The following ERC2 variants were observed in gnomAD, a reference collection of about 807,000 sequenced individuals.
The protein encoded by ERC2 is ELKS/RAB6-interacting/CAST family member 2.
ERC2 carries 42 observed loss-of-function variants against 114.8 expected under a neutral mutation model. The ratio of observed to expected loss-of-function variants is 0.37; its 90% confidence interval spans 0.29 to 0.47. The LOEUF (loss-of-function observed/expected upper bound fraction) is 0.47. Among genes scored for constraint, ERC2 ranks in the 20% least tolerant of loss-of-function variants. ERC2 has a pLI of 0.99. For missense variants in ERC2, 939 were observed against 1,150.7 expected (o/e 0.82, Z 2.66); for synonymous variants, 454 against 425.5 (o/e 1.07, Z -0.82).
intron 13 of ERC2, among the ~76,000 whole-genome samples, chr3:55,944,749 G>C (rs2067020977): frequency 1.3e-5 from 2 of 152,188 alleles, no homozygotes; most frequent in African/African-American, 4.8e-5. Context: ...CCGCCTACAG[G>C]GGCCTGCTAT....
chr3:56,398,660 T>C (rs568522854), intron 2 of ERC2, among the ~76,000 whole-genome samples: 1 of 152,290 alleles, frequency 6.6e-6, no homozygotes, highest in Admixed American at 6.5e-5. Flanking sequence ...GCTCTCATTC[T>C]GTTGGCCAGG....
At chr3:56,259,552 G>A (rs1450321723) in intron 3 of ERC2, among the ~76,000 whole-genome samples, 1 of 152,018 alleles carries the variant, frequency 6.6e-6, no homozygotes, top group Non-Finnish European at 1.5e-5. Context: ...TATGGGGGAG[G>A]AAACGTGGGT....
At position 56,099,786 on chromosome 3, in the gene ERC2, C is replaced by A. The variant is rs573381490; in HGVS notation, c.1474-18802G>T. ...GATATGTGAAGGTTTCTTTTCCTAC[C>A]TCAGTCCTGCTCAAGAACTCAGAGG... On this transcript the variant is annotated intron_variant, in intron 6 of 17. Coordinates refer to ENST00000288221, the MANE Select transcript of ERC2 (RefSeq NM_015576.3). 1.1e-4 allele frequency among the ~76,000 whole-genome samples: 16 copies of A among 152,272 alleles called. No homozygotes were observed. The South Asian group carries it at 3.3e-3, about 32-fold the overall frequency.
chr3:55,675,913 T>TA (rs2061781613), intron 17 of ERC2, among the ~76,000 whole-genome samples: 1 of 70,622 alleles, frequency 1.4e-5, no homozygotes, highest in Non-Finnish European at 3.2e-5. Context: ...CTTTTTTTTT[T>TA]TTTTTTTTTT....
rs1435442048 is a variant in ERC2 at position 55,994,531 on chromosome 3, A to C, written c.2062-2281T>G. On this transcript the variant is annotated intron_variant, in intron 10 of 17. Coordinates refer to ENST00000288221, the MANE Select transcript of ERC2 (RefSeq NM_015576.3). ...ACAAACACGGGGGGAGATATTACTC[A>C]CTTTTGTTTTTATTATAATTATTAT... is the stretch of plus-strand genomic sequence containing the variant. Among the ~76,000 whole-genome samples the C allele has an allele frequency of 2.7e-5, 4 of 150,046 alleles. No homozygotes were observed. In the Admixed American group the frequency reaches 2.7e-4, roughly 10 times the overall value.
intron 17 of ERC2, among the ~76,000 whole-genome samples, chr3:55,604,448 T>A (rs940756610): frequency 6.6e-6 from 1 of 152,212 alleles, no homozygotes. Context: ...GTCTCTTATT[T>A]AACCTTTACA....
At chr3:55,696,139 T>C (rs563737028) in intron 16 of ERC2, among the ~76,000 whole-genome samples, 2 of 152,166 alleles carry the variant, frequency 1.3e-5, no homozygotes, top group African/African-American at 4.8e-5. Flanking sequence ...GAAAGAAACA[T>C]GGAAGAAATG....
At chr3:55,822,945 G>C (rs1163927983) in intron 14 of ERC2, among the ~76,000 whole-genome samples, 1 of 152,076 alleles carries the variant, frequency 6.6e-6, no homozygotes, top group Non-Finnish European at 1.5e-5. Context: ...ATGCTGCCTA[G>C]ACTCGTCATG....
intron 3 of ERC2, among the ~76,000 whole-genome samples, chr3:56,291,964 G>T (rs562550376): frequency 4.6e-5 from 7 of 152,130 alleles, no homozygotes; most frequent in African/African-American, 1.4e-4. Context: ...ACAACCATTT[G>T]TATATTATTA....
At chr3:56,169,450 A>C (rs1346752032) in intron 4 of ERC2, among the ~76,000 whole-genome samples, 3 of 152,190 alleles carry the variant, frequency 2.0e-5, no homozygotes, top group Admixed American at 6.5e-5. Context: ...TTGTGTTTTT[A>C]CATTTTTTAA....
intron 12 of ERC2, among the ~76,000 whole-genome samples, chr3:55,957,929 C>T (rs2068075349): frequency 6.6e-6 from 1 of 152,228 alleles, no homozygotes; most frequent in Admixed American, 6.5e-5. Context: ...CAAAGAGCCG[C>T]AGCTGTTCTC....
At chr3:56,033,085 A>AAAGAAAGAAAGT (rs780022057) in intron 7 of ERC2, among the ~76,000 whole-genome samples, 1 of 145,030 alleles carries the variant, frequency 6.9e-6, no homozygotes, top group Non-Finnish European at 1.5e-5. Context: ...AGAAAGAAAG[A>AAAGAAAGAAAGT]AAAGTAAAGT....
chr3:56,141,575 G>A (rs1273160341), intron 5 of ERC2, among the ~76,000 whole-genome samples: 3 of 152,192 alleles, frequency 2.0e-5, no homozygotes, highest in Admixed American at 1.3e-4. Flanking sequence ...ATTACATTTT[G>A]TGTCTGCATT....
At chr3:55,938,657 G>A (rs148039127) in intron 13 of ERC2, among the ~76,000 whole-genome samples, 81 of 152,248 alleles carry the variant, frequency 5.3e-4, no homozygotes, top group African/African-American at 1.5e-3. Flanking sequence ...TTAAATGTGC[G>A]GTTTTCTAAT....
At chr3:56,090,539 C>T (rs932385510) in intron 6 of ERC2, among the ~76,000 whole-genome samples, 1 of 152,002 alleles carries the variant, frequency 6.6e-6, no homozygotes, top group African/African-American at 2.4e-5. Flanking sequence ...TTAATAAATA[C>T]AAGTTTTAGC....
At chr3:55,652,523 C>T (rs530454374) in intron 17 of ERC2, among the ~76,000 whole-genome samples, 1 of 152,238 alleles carries the variant, frequency 6.6e-6, no homozygotes, top group African/African-American at 2.4e-5. Context: ...GCAGGTACTT[C>T]ATGCCAGGTA....
chr3:55,900,038 A>G (rs928062238), intron 13 of ERC2, among the ~76,000 whole-genome samples: 3 of 152,184 alleles, frequency 2.0e-5, no homozygotes, highest in African/African-American at 4.8e-5. Context: ...ACTTTAGCCA[A>G]AATGACCTTA....
chr3:55,774,617 C>G (rs1397690958), intron 14 of ERC2, among the ~76,000 whole-genome samples: 1 of 152,224 alleles, frequency 6.6e-6, no homozygotes, highest in Non-Finnish European at 1.5e-5. Flanking sequence ...TTCAGAGGCT[C>G]GGATCTCCTT....
chr3:55,932,067 C>G (rs2066128347), intron 13 of ERC2, among the ~76,000 whole-genome samples: 1 of 152,100 alleles, frequency 6.6e-6, no homozygotes. Flanking sequence ...TTCATAAGTT[C>G]TCATTGCTGC....
Sources: allele counts gnomAD v4.1 joint callset (sites outside exome capture counted in the v4.1 genomes callset), GRCh38; gene constraint gnomAD v4.1.1; transcripts MANE v1.5; gene names NCBI Gene and HGNC (gene_info 2026-07-23, HGNC 2026-07-21).